TGFA: variants seen among roughly 807,000 people sequenced by gnomAD.
The protein encoded by TGFA is transforming growth factor alpha.
Under a neutral mutation model 21.7 loss-of-function variants are expected in TGFA, and 12 were observed. The observed-to-expected ratio is 0.55, with a 90% CI of 0.35 to 0.90. TGFA has a LOEUF of 0.90. Among genes scored for constraint, TGFA ranks in the 40% least tolerant of loss-of-function variants. The pLI, the probability that TGFA is intolerant of heterozygous loss-of-function variation, is 0.01. For missense variants in TGFA, 178 were observed against 210.8 expected (o/e 0.84, Z 0.96); for synonymous variants, 79 against 88.1 (o/e 0.90, Z 0.58).
At chr2:70,480,992 G>A (rs564731518) in intron 2 of TGFA, among the ~76,000 whole-genome samples, 1 of 152,310 alleles carries the variant, frequency 6.6e-6, no homozygotes, top group Admixed American at 6.5e-5. Context: ...AAGGAGAAAT[G>A]TTGGGGGATT....
intron 2 of TGFA, among the ~76,000 whole-genome samples, chr2:70,503,194 A>G (rs1574109555): frequency 6.6e-6 from 1 of 152,156 alleles, no homozygotes; most frequent in African/African-American, 2.4e-5. Context: ...ACAATGATAG[A>G]CTGGATTAAG....
In TGFA at chr2:70,450,738, AT is replaced by A; in HGVS notation, c.*120del. 2 of 1,168,328 alleles carry A rather than the reference AT, an allele frequency of 1.7e-6. No homozygotes were observed. Among genetic ancestry groups the A allele is most frequent in the Middle Eastern group, 4.6e-4 (2 of 4,390 alleles). The allele number at this position is 1,168,328 out of a possible 1,614,324, so 72.4% of individuals were successfully genotyped here. On this transcript the variant is annotated 3_prime_UTR_variant, in exon 6 of 6. Transcript: ENST00000295400. ...AGGCCCACAAAAGGCTGCACAGGTG[AT>A]TACAGGCCAAGTAGGAAGGTCTGTG...
intron 2 of TGFA, among the ~76,000 whole-genome samples, chr2:70,476,473 GTC>G (rs1553494416): frequency 6.6e-6 from 1 of 152,194 alleles, no homozygotes; most frequent in Non-Finnish European, 1.5e-5. Flanking sequence ...TGCCTTTGCA[GTC>G]TCTGTGTGCC....
rs1670029402 is a variant in TGFA, at chr2:70,450,781, CTG to C, written c.*76_*77del. On this transcript the variant is annotated 3_prime_UTR_variant, in exon 6 of 6. Coordinates refer to ENST00000295400, the MANE Select transcript of TGFA (RefSeq NM_003236.4). ...AGGTCTGTGGCACACCCAGGCATCT[CTG>C]GCAGTGCTGTCCTGAAGAAGCCTTT... 6.5e-7 allele frequency: 1 copy of C among 1,536,930 alleles called. No homozygotes were observed. The highest frequency in any genetic ancestry group is 8.9e-7 in the Non-Finnish European group (1 of 1,123,102).
At position 70,548,576 on chromosome 2, in the gene TGFA, A is replaced by G. The variant is rs1239420628; in HGVS notation, c.40+5152T>C. Among the ~76,000 whole-genome samples, 33 of 152,224 alleles carry G rather than the reference A, an allele frequency of 2.2e-4. 1 individual carries two copies. Among genetic ancestry groups the G allele is most frequent in the Non-Finnish European group, 1.5e-5 (1 of 68,038 alleles). ...AGCCTTTCACAGTAAGGGAACAACA[A>G]CAACAAAAATTAAAGCCAAACGTGC... On this transcript the variant is annotated intron_variant, in intron 1 of 5. Transcript: ENST00000295400.
intron 2 of TGFA, among the ~76,000 whole-genome samples, chr2:70,509,069 T>C (rs1672016425): frequency 6.6e-6 from 1 of 152,226 alleles, no homozygotes; most frequent in African/African-American, 2.4e-5. Flanking sequence ...TAAGCATTCT[T>C]TAAAGTAAAC....
At chr2:70,492,022 A>G (rs1553497734) in intron 2 of TGFA, among the ~76,000 whole-genome samples, 1 of 152,228 alleles carries the variant, frequency 6.6e-6, no homozygotes, top group African/African-American at 2.4e-5. Context: ...TGCTGCAGAA[A>G]AGAAAAACCA....
At chr2:70,540,684 T>C (rs1161090195) in intron 1 of TGFA, among the ~76,000 whole-genome samples, 1 of 152,148 alleles carries the variant, frequency 6.6e-6, no homozygotes, top group Non-Finnish European at 1.5e-5. Context: ...AGATTTTTAG[T>C]CCCTAAGGTT....
chr2:70,459,695 T>C (rs1288381106), intron 3 of TGFA, among the ~76,000 whole-genome samples: 3 of 152,196 alleles, frequency 2.0e-5, no homozygotes, highest in Admixed American at 2.0e-4. Flanking sequence ...CAGAGGAACA[T>C]TTGCCATTCA....
intron 1 of TGFA, among the ~76,000 whole-genome samples, chr2:70,547,093 C>T (rs2103949592): frequency 6.6e-6 from 1 of 152,256 alleles, no homozygotes; most frequent in Middle Eastern, 3.4e-3. Context: ...GTTATGCCCA[C>T]TTAAAATTTG....
chr2:70,543,374 C>T (rs4852203), intron 1 of TGFA, among the ~76,000 whole-genome samples: 76,028 of 151,414 alleles, frequency 0.5, 19,410 homozygotes, highest in East Asian at 0.62. Context: ...CTAAAGAATA[C>T]AAAAATTAGC....
chr2:70,551,495 G>C (rs62151612), intron 1 of TGFA, among the ~76,000 whole-genome samples: 38,538 of 151,996 alleles, frequency 0.25, 5,075 homozygotes, highest in Middle Eastern at 0.35. Context: ...CTAGATCTCG[G>C]GTAGCGATGG....
intron 2 of TGFA, among the ~76,000 whole-genome samples, chr2:70,490,448 CT>C (rs1441093762): frequency 3.9e-5 from 6 of 152,176 alleles, no homozygotes; most frequent in African/African-American, 1.4e-4. Flanking sequence ...TCCTTTAGCA[CT>C]GGAAATTTCA....
At chr2:70,519,963 T>A (rs1478035518) in intron 1 of TGFA, among the ~76,000 whole-genome samples, 1 of 152,200 alleles carries the variant, frequency 6.6e-6, no homozygotes, top group South Asian at 2.1e-4. Flanking sequence ...TTGGCTCTAT[T>A]ATGTACCCTT....
intron 1 of TGFA, chr2:70,553,486 G>A: frequency 2.1e-6 from 3 of 1,398,818 alleles, no homozygotes; most frequent in Non-Finnish European, 2.8e-6. Context: ...CCCTTCCCAG[G>A]TGTTCTCACG....
At chr2:70,486,983 C>T (rs1269947865) in intron 2 of TGFA, among the ~76,000 whole-genome samples, 2 of 152,078 alleles carry the variant, frequency 1.3e-5, no homozygotes, top group Non-Finnish European at 2.9e-5. Context: ...AGGATGGTCT[C>T]GATCTCCTGA....
At chr2:70,553,495 C>A in intron 1 of TGFA, 3 of 1,394,078 alleles carry the variant, frequency 2.2e-6, no homozygotes, top group Non-Finnish European at 2.8e-6. Context: ...GGTGTTCTCA[C>A]GCACGGCCCA....
intron 2 of TGFA, among the ~76,000 whole-genome samples, chr2:70,514,255 C>A (rs187692856): frequency 5.3e-5 from 8 of 152,090 alleles, no homozygotes; most frequent in Non-Finnish European, 1.5e-5. Flanking sequence ...CAGGACTACT[C>A]GTATAAAAAT....
chr2:70,452,462 AG>A (rs1216170692), intron 5 of TGFA, among the ~76,000 whole-genome samples: 1 of 150,720 alleles, frequency 6.6e-6, no homozygotes, highest in Non-Finnish European at 1.5e-5. Context: ...ATAGGATCTA[AG>A]GGTTTTAAGG....
Sources: allele counts gnomAD v4.1 joint callset (sites outside exome capture counted in the v4.1 genomes callset), GRCh38; gene constraint gnomAD v4.1.1; transcripts MANE v1.5; gene names NCBI Gene and HGNC (gene_info 2026-07-23, HGNC 2026-07-21).